Variants in ULK4 observed in about 807,000 individuals in gnomAD.
ULK4 encodes the protein inactive serine/threonine-protein kinase ULK4.
A neutral mutation model predicts 160.6 loss-of-function variants in ULK4; 133 were observed. The ratio of observed to expected loss-of-function variants is 0.83; its 90% CI spans 0.72 to 0.96. The LOEUF is 0.96. Ranked by LOEUF, ULK4 falls within the 40% of genes least tolerant of loss-of-function variation. The pLI, the probability that ULK4 is intolerant of heterozygous loss-of-function variation, is 0.00. For missense variants in ULK4, 1,580 were observed against 1,499.5 expected (o/e 1.05, Z -0.89); for synonymous variants, 534 against 539.8 (o/e 0.99, Z 0.15).
intron 31 of ULK4, among the ~76,000 whole-genome samples, chr3:41,575,619 C>G (rs746053975): frequency 6.6e-6 from 1 of 152,230 alleles, no homozygotes; most frequent in Admixed American, 6.5e-5. Flanking sequence ...CTGACAGATA[C>G]AGTAGAGGCC....
At chr3:41,751,651 T>C (rs2038634272) in intron 22 of ULK4, among the ~76,000 whole-genome samples, 1 of 152,176 alleles carries the variant, frequency 6.6e-6, no homozygotes, top group Non-Finnish European at 1.5e-5. Flanking sequence ...AAGGACCACA[T>C]GTGTCATACC....
intron 35 of ULK4, among the ~76,000 whole-genome samples, chr3:41,316,578 A>G (rs1299602708): frequency 6.6e-6 from 1 of 152,206 alleles, no homozygotes; most frequent in East Asian, 1.9e-4. Context: ...ACACATGGGC[A>G]TAAAGATGGG....
At chr3:41,342,592 G>A (rs73067264) in intron 35 of ULK4, among the ~76,000 whole-genome samples, 2,063 of 152,244 alleles carry the variant, frequency 0.014, 21 homozygotes, top group Non-Finnish European at 0.023. Flanking sequence ...TCTACCAGAC[G>A]TATAAGGAAG....
intron 34 of ULK4, among the ~76,000 whole-genome samples, chr3:41,416,276 T>G (rs1333212604): frequency 2.0e-5 from 3 of 152,180 alleles, no homozygotes; most frequent in Non-Finnish European, 4.4e-5. Context: ...GTTTCCAACA[T>G]TTAAAAATTG....
At chr3:41,953,381 C>G (rs1177015416) in intron 2 of ULK4, among the ~76,000 whole-genome samples, 1 of 149,172 alleles carries the variant, frequency 6.7e-6, no homozygotes, top group Non-Finnish European at 1.5e-5. Context: ...CGGCTTACTG[C>G]AACCTCTGCC....
chr3:41,792,465 C>T (rs912299428), intron 20 of ULK4, among the ~76,000 whole-genome samples: 2 of 151,972 alleles, frequency 1.3e-5, no homozygotes, highest in Non-Finnish European at 2.9e-5. Context: ...ATTTTTCTAG[C>T]AAATTAGGAT....
intron 18 of ULK4, among the ~76,000 whole-genome samples, chr3:41,834,352 C>A (rs1559593223): frequency 6.6e-6 from 1 of 152,076 alleles, no homozygotes; most frequent in South Asian, 2.1e-4. Context: ...GATATCAATA[C>A]TTTCCCAATC....
chr3:41,392,278 A>C (rs915662835), intron 35 of ULK4, among the ~76,000 whole-genome samples: 5 of 152,168 alleles, frequency 3.3e-5, no homozygotes, highest in African/African-American at 1.2e-4. Context: ...GGTTTCTTCA[A>C]CATTCTCTGG....
intron 32 of ULK4, among the ~76,000 whole-genome samples, chr3:41,523,471 T>A (rs2086005160): frequency 6.6e-6 from 1 of 152,304 alleles, no homozygotes; most frequent in South Asian, 2.1e-4. Context: ...TGCCACAAAA[T>A]TGTAACATTA....
At chr3:41,873,649 G>A (rs1403986371) in intron 17 of ULK4, among the ~76,000 whole-genome samples, 1 of 152,128 alleles carries the variant, frequency 6.6e-6, no homozygotes, top group African/African-American at 2.4e-5. Context: ...TGCCTCCCGG[G>A]TTCAAGCGAT....
At chr3:41,462,941 T>G in intron 33 of ULK4, 146 bp downstream of exon 33, 1 of 984,434 alleles carries the variant, frequency 1.0e-6, no homozygotes, top group Non-Finnish European at 1.4e-6. Context: ...CACCCAAAGA[T>G]GACTCTTCAG....
At chr3:41,750,980 G>C (rs143432994) in intron 22 of ULK4, among the ~76,000 whole-genome samples, 10,751 of 126,190 alleles carry the variant, frequency 0.085, 1,348 homozygotes, top group African/African-American at 0.31. Context: ...AAAAGAGAGA[G>C]AGAGAAAGAG....
intron 32 of ULK4, among the ~76,000 whole-genome samples, chr3:41,471,998 A>G (rs1397599961): frequency 6.6e-6 from 1 of 151,778 alleles, no homozygotes; most frequent in African/African-American, 2.4e-5. Flanking sequence ...TAAAAATATC[A>G]GAGCAGAAAA....
chr3:41,897,478 C>CA (rs995582363), intron 14 of ULK4, among the ~76,000 whole-genome samples: 8 of 151,636 alleles, frequency 5.3e-5, no homozygotes, highest in Non-Finnish European at 7.4e-5. Context: ...AATCCCTATA[C>CA]AAAAAAAAGG....
At chr3:41,874,786 C>T (rs1697238732) in intron 17 of ULK4, among the ~76,000 whole-genome samples, 1 of 152,172 alleles carries the variant, frequency 6.6e-6, no homozygotes, top group South Asian at 2.1e-4. Context: ...GCACTAAAAT[C>T]TCAGACTTCA....
chr3:41,288,141 G>A (rs2079496923), intron 35 of ULK4, among the ~76,000 whole-genome samples: 1 of 152,048 alleles, frequency 6.6e-6, no homozygotes, highest in Non-Finnish European at 1.5e-5. Context: ...ATATAGTTTT[G>A]TGGAAAATCA....
chr3:41,467,806 G>C (rs906810881), intron 32 of ULK4, among the ~76,000 whole-genome samples: 1 of 152,192 alleles, frequency 6.6e-6, no homozygotes, highest in East Asian at 1.9e-4. Context: ...TTATTTCTAG[G>C]AGAGGGGAAG....
In ULK4 at chr3:41,375,265, G is replaced by C. The variant is rs142574024; in HGVS notation, c.3678+22814C>G. ...ATCAAACTACCACTGACTTTCTTCA[G>C]AGAATAGGAAAAACTACTTTAAAAT... On this transcript the variant is annotated intron_variant, in intron 35 of 36. Transcript: ENST00000301831. 2.9e-3 allele frequency among the ~76,000 whole-genome samples: 439 copies of C among 152,182 alleles called. 1 individual carries two copies. The highest frequency in any genetic ancestry group is 0.014 in the East Asian group (75 of 5,174).
At chr3:41,540,565 G>A (rs576963328) in intron 32 of ULK4, among the ~76,000 whole-genome samples, 9 of 152,254 alleles carry the variant, frequency 5.9e-5, no homozygotes, top group Non-Finnish European at 8.8e-5. Context: ...TAATGGGATC[G>A]CTGGGTCAAA....
Sources: allele counts gnomAD v4.1 joint callset (sites outside exome capture counted in the v4.1 genomes callset), GRCh38; gene constraint gnomAD v4.1.1; transcripts MANE v1.5; gene names NCBI Gene and HGNC (gene_info 2026-07-23, HGNC 2026-07-21).